SP3: variants seen among roughly 807,000 people sequenced by gnomAD.
The protein encoded by SP3 is transcription factor Sp3.
In SP3, 10 loss-of-function variants were observed where a neutral mutation model predicts 70.3. That is an observed-to-expected ratio of 0.14 (90% confidence interval 0.09 to 0.24). The LOEUF is 0.24. Among genes scored for constraint, SP3 ranks in the 10% least tolerant of loss-of-function variants. SP3 has a pLI of 1.00. For synonymous variants in SP3, 402 were observed against 333.5 expected, an observed-to-expected ratio of 1.21 and a Z score of -2.24; for missense variants, 825 against 914.6, an observed-to-expected ratio of 0.90 and a Z score of 1.26.
chr2:173,904,984 G>T lies in SP3; in HGVS notation c.*4957C>A, dbSNP rs370912980. ...GATTCTTCGGCTGGTTTTTAGAAAT[G>T]TTCAAATAGGATAGACTCTTACACA... On this transcript the variant is annotated 3_prime_UTR_variant, in exon 7 of 7. Transcript: ENST00000310015. 2.0e-4 allele frequency among the ~76,000 whole-genome samples: 30 copies of T among 152,150 alleles called. No individual in the cohort carries two copies. The highest frequency in any genetic ancestry group is 6.3e-4 in the African/African-American group (26 of 41,428).
At chr2:173,923,670 A>G (rs1689824039) in intron 4 of SP3, among the ~76,000 whole-genome samples, 1 of 152,088 alleles carries the variant, frequency 6.6e-6, no homozygotes, top group Non-Finnish European at 1.5e-5. Flanking sequence ...ATAGTGTGCC[A>G]TTAAGATTTT....
Position 173,910,336 on chromosome 2 carries a change from T to TA in SP3, c.2030-80dup, listed in dbSNP as rs370623396. 1.7e-5 allele frequency: 21 copies of TA among 1,227,620 alleles called. 1 individual carries two copies. The African/African-American group carries it at 3.0e-4, about 18-fold the overall frequency. The allele number at this position is 1,227,620 out of a possible 1,614,324, so 76.0% of individuals were successfully genotyped here. A position where few individuals can be genotyped will look rare whatever the true frequency, so the allele number is the denominator to read the frequency against. Reference sequence around the variant, plus strand: ...CAATCATCTCCCCCAAAACAGAAAGTAAGTCAACGCTGACAGGTGAGGATG... The same window carrying TA: ...CAATCATCTCCCCCAAAACAGAAAGTAAAGTCAACGCTGACAGGTGAGGATG... On this transcript the variant is annotated intron_variant, in intron 6 of 6. Transcript: ENST00000310015.
rs973191312 is a variant in SP3 at position 173,904,439 on chromosome 2, G to A, written c.*5502C>T. 1.9e-4 allele frequency among the ~76,000 whole-genome samples: 29 copies of A among 152,142 alleles called. No homozygotes were observed. Among genetic ancestry groups the A allele is most frequent in the African/African-American group, 7.0e-4 (29 of 41,396 alleles). On this transcript the variant is annotated 3_prime_UTR_variant, in exon 7 of 7. Transcript: ENST00000310015. ...AAAAACTAAGTTGGGGAGTCTCTCT[G>A]TAAGGTTTTAAGGCTATCTTGTGGA... is the stretch of plus-strand genomic sequence containing the variant.
rs1689425019 is a variant in SP3, at chr2:173,909,773, A to G, written c.*168T>C. On this transcript the variant is annotated 3_prime_UTR_variant, in exon 7 of 7. Coordinates refer to ENST00000310015, the MANE Select transcript of SP3 (RefSeq NM_003111.5). ...CATGCAATTTTACCATTTTTAATAT[A>G]CTATGGAATATCATACAAAGTAAGG... The G allele has an allele frequency of 3.7e-6, 2 of 545,368 alleles. No individual in the cohort carries two copies. The highest frequency in any genetic ancestry group is 7.1e-5 in the Admixed American group (2 of 28,216). The allele number at this position is 545,368 out of a possible 1,614,324, so 33.8% of individuals were successfully genotyped here. A position where few individuals can be genotyped will look rare whatever the true frequency, so the allele number is the denominator to read the frequency against.
Position 173,922,979 on chromosome 2 carries a change from A to G in SP3, c.1640-4194T>C, listed in dbSNP as rs150553590. Among the ~76,000 whole-genome samples, 732 of 152,380 alleles carry G rather than the reference A, an allele frequency of 4.8e-3. 5 individuals are homozygous for G. The highest frequency in any genetic ancestry group is 9.1e-3 in the Admixed American group (140 of 15,304). The stretch of plus-strand genomic sequence containing the variant: ...AGGGTACCTGAAGTATTTGTAAATC[A>G]GCCTTTATATTCTGTAGCAATAGTG... On this transcript the variant is annotated intron_variant, in intron 4 of 6. Coordinates refer to ENST00000310015, the MANE Select transcript of SP3 (RefSeq NM_003111.5).
At chr2:173,950,726 C>G (rs1690687091) in intron 4 of SP3, among the ~76,000 whole-genome samples, 1 of 151,516 alleles carries the variant, frequency 6.6e-6, no homozygotes, top group African/African-American at 2.4e-5. Context: ...TTCATCTGGG[C>G]ATACTACACG....
At chr2:173,942,601 A>G (rs904795301) in intron 4 of SP3, among the ~76,000 whole-genome samples, 1 of 152,152 alleles carries the variant, frequency 6.6e-6, no homozygotes, top group African/African-American at 2.4e-5. Flanking sequence ...GTATACACTA[A>G]TGACACCCTA....
intron 4 of SP3, among the ~76,000 whole-genome samples, chr2:173,922,612 T>C (rs12470645): frequency 4.0e-5 from 6 of 151,850 alleles, no homozygotes; most frequent in South Asian, 4.2e-4. Context: ...AGAACCAGCA[T>C]AGGGGACTGA....
chr2:173,911,053 T>C (rs970180537), intron 6 of SP3, among the ~76,000 whole-genome samples: 3 of 152,216 alleles, frequency 2.0e-5, no homozygotes, highest in African/African-American at 7.2e-5. Flanking sequence ...AATTCCTTTC[T>C]TCAAAAATGT....
chr2:173,931,643 G>GA (rs1463967427), intron 4 of SP3, among the ~76,000 whole-genome samples: 2 of 152,058 alleles, frequency 1.3e-5, no homozygotes, highest in Non-Finnish European at 2.9e-5. Context: ...CGCCCAGCCG[G>GA]AAAATCTGTT....
rs116950261 is a variant in SP3, at chr2:173,958,960, T to C, written c.280-2728A>G. Among the ~76,000 whole-genome samples, 114 of 152,292 alleles carry C rather than the reference T, an allele frequency of 7.5e-4. 3 individuals carry two copies. In the East Asian group the frequency reaches 0.021, roughly 28 times the overall value. ...GAGCACTGTGCAATCCCAAGATCAT[T>C]GTGAGTGCTAAGATTATGAGAATAG... On this transcript the variant is annotated intron_variant, in intron 3 of 6. Transcript: ENST00000310015.
intron 4 of SP3, among the ~76,000 whole-genome samples, chr2:173,941,305 C>T (rs570235789): frequency 6.6e-6 from 1 of 152,270 alleles, no homozygotes; most frequent in South Asian, 2.1e-4. Context: ...TATGTACCCT[C>T]CACAATATAT....
chr2:173,962,043 T>C (rs1691105606), intron 3 of SP3, among the ~76,000 whole-genome samples: 2 of 151,636 alleles, frequency 1.3e-5, no homozygotes, highest in Admixed American at 1.3e-4. Context: ...AGATTGATTC[T>C]AGTTCGTCTT....
chr2:173,933,405 T>G (rs1422679988), intron 4 of SP3, among the ~76,000 whole-genome samples: 1 of 151,962 alleles, frequency 6.6e-6, no homozygotes, highest in Non-Finnish European at 1.5e-5. Flanking sequence ...TAAGTTGCAG[T>G]AACAACCCCT....
intron 4 of SP3, among the ~76,000 whole-genome samples, chr2:173,942,778 C>G (rs1690410198): frequency 6.6e-6 from 1 of 152,144 alleles, no homozygotes; most frequent in Non-Finnish European, 1.5e-5. Context: ...CTAGCCTAGC[C>G]AAACTATCAT....
intron 2 of SP3, chr2:173,964,177 G>A (rs566735930): frequency 2.6e-4 from 118 of 446,954 alleles, no homozygotes; most frequent in African/African-American, 2.3e-3. Context: ...GCACGCTGGG[G>A]CCCACACTCA....
intron 4 of SP3, among the ~76,000 whole-genome samples, chr2:173,933,405 T>TA (rs1387071483): frequency 2.6e-5 from 4 of 151,962 alleles, no homozygotes; most frequent in Non-Finnish European, 5.9e-5. Flanking sequence ...TAAGTTGCAG[T>TA]AACAACCCCT....
At chr2:173,910,630 C>A (rs1010232544) in intron 6 of SP3, among the ~76,000 whole-genome samples, 4 of 152,110 alleles carry the variant, frequency 2.6e-5, no homozygotes, top group Non-Finnish European at 5.9e-5. Flanking sequence ...TATTCTTTCA[C>A]GCTATAATTA....
At chr2:173,964,166 G>T in intron 2 of SP3, 1 of 398,260 alleles carries the variant, frequency 2.5e-6, no homozygotes, top group East Asian at 3.9e-5. Context: ...CCCCCGGGAG[G>T]GCACGCTGGG....
Sources: allele counts gnomAD v4.1 joint callset (sites outside exome capture counted in the v4.1 genomes callset), GRCh38; gene constraint gnomAD v4.1.1; transcripts MANE v1.5; gene names NCBI Gene and HGNC (gene_info 2026-07-23, HGNC 2026-07-21).